SMAD7: variants seen among roughly 807,000 people sequenced by gnomAD.
SMAD7 encodes the protein SMAD family member 7.
Under a neutral mutation model 38.7 loss-of-function variants are expected in SMAD7, and 8 were observed. The observed-to-expected ratio is 0.21, with a 90% CI of 0.12 to 0.37. The LOEUF is 0.37. SMAD7 is among the 10% of genes least tolerant of loss of function. The probability of loss-of-function intolerance (pLI) is 1.00; values close to 1 mark genes in which losing one functional copy is unlikely to be tolerated. For synonymous variants in SMAD7, 327 were observed against 265.1 expected (o/e 1.23, Z -2.27); for missense variants, 477 against 577.9 (o/e 0.83, Z 1.79).
At chr18:48,938,122 G>A (rs1020003885) in intron 3 of SMAD7, among the ~76,000 whole-genome samples, 4 of 152,230 alleles carry the variant, frequency 2.6e-5, no homozygotes, top group African/African-American at 9.6e-5. Flanking sequence ...TTGAGCCCAA[G>A]TCAACTGTGG....
intron 2 of SMAD7, among the ~76,000 whole-genome samples, chr18:48,947,399 G>A (rs745519735): frequency 5.9e-5 from 9 of 152,204 alleles, no homozygotes; most frequent in East Asian, 3.8e-4. Flanking sequence ...CGCAGGAGGC[G>A]GAAGGACTTG....
intron 2 of SMAD7, 84 bp downstream of exon 2, chr18:48,948,300 T>A (rs560859371): frequency 1.1e-6 from 1 of 902,778 alleles, no homozygotes; most frequent in Non-Finnish European, 1.7e-6. Flanking sequence ...TCCCCAAGCC[T>A]TTGCCTACAC....
intron 3 of SMAD7, among the ~76,000 whole-genome samples, chr18:48,923,739 C>A (rs943152995): frequency 6.6e-6 from 1 of 152,122 alleles, no homozygotes; most frequent in African/African-American, 2.4e-5. Context: ...CCGGTCACCA[C>A]CCCCCATGTA....
intron 3 of SMAD7, among the ~76,000 whole-genome samples, chr18:48,924,502 G>T (rs1020545014): frequency 2.6e-5 from 4 of 152,162 alleles, no homozygotes; most frequent in African/African-American, 9.7e-5. Context: ...GTGTCAGGTG[G>T]GTTTCTGTTT....
At chr18:48,948,281 C>T (rs564707755) in intron 2 of SMAD7, 103 bp downstream of exon 2, 1 of 711,344 alleles carries the variant, frequency 1.4e-6, no homozygotes, top group Admixed American at 3.1e-5. Context: ...CAACGTGAAG[C>T]CCAGCACCTC....
chr18:48,943,548 C>T (rs1414501779), intron 2 of SMAD7, among the ~76,000 whole-genome samples: 1 of 152,232 alleles, frequency 6.6e-6, no homozygotes, highest in East Asian at 1.9e-4. Context: ...ACCCTGTAAG[C>T]TTGTCATGCA....
At chr18:48,937,861 C>T (rs959902735) in intron 3 of SMAD7, among the ~76,000 whole-genome samples, 1 of 152,244 alleles carries the variant, frequency 6.6e-6, no homozygotes, top group Non-Finnish European at 1.5e-5. Flanking sequence ...GAAAGGCCCA[C>T]ATGCCTGTGA....
Position 48,921,350 on chromosome 18 carries a change from GCT to G in SMAD7, c.*20_*21del. Reference sequence around the variant, plus strand: ...TTGAAGTGTGGCCTGCTCAGCTCACGCTCTGTCCCCTCCGCACGCGGCTACCG... The same window carrying G: ...TTGAAGTGTGGCCTGCTCAGCTCACGCTGTCCCCTCCGCACGCGGCTACCG... On this transcript the variant is annotated 3_prime_UTR_variant, in exon 4 of 4. Transcript: ENST00000262158. The surrounding 1 kb of genome is among the most constrained non-coding windows in gnomAD (Gnocchi z 6.4). The G allele has an allele frequency of 1.3e-6, 2 of 1,596,550 alleles. No individual in the cohort carries two copies. The highest frequency in any genetic ancestry group is 1.7e-6 in the Non-Finnish European group (2 of 1,167,568).
rs1266983684 is a variant in SMAD7, at chr18:48,949,979, G to C, written c.446C>G (p.Pro149Arg). ...GAGGGGGAGCGAGTAGGACGAGGGC[G>C]GCTGCGCAGGCTGCGCGCCGGCGGG... is the stretch of plus-strand genomic sequence containing the variant. Reference protein sequence around the residue: ...GAPAGAQPAQPPSSYSLPLLL... With the variant: ...GAPAGAQPAQRPSSYSLPLLL... Residue 149 changes from proline to arginine, a missense_variant, in exon 1 of 4, where the codon CCG becomes CGG. Pro to Arg is a moderately radical substitution (Grantham distance 103). Transcript: ENST00000262158. 1 of 1,592,016 alleles carries C rather than the reference G, an allele frequency of 6.3e-7. No homozygotes were observed. The highest frequency in any genetic ancestry group is 1.7e-5 in the Admixed American group (1 of 57,758).
Position 48,920,197 on chromosome 18 carries a change from A to G in SMAD7, c.*1175T>C, listed in dbSNP as rs1297383856. ...AAAGCACTACAATGCTAAATTTCCA[A>G]TGAGAATGCTTCTCTTGTTCATTTA... On this transcript the variant is annotated 3_prime_UTR_variant, in exon 4 of 4. Transcript: ENST00000262158. The G allele has an allele frequency of 2.0e-5, 3 of 152,664 alleles. No homozygotes were observed. Among genetic ancestry groups the G allele is most frequent in the East Asian group, 3.9e-4 (2 of 5,178 alleles). The allele number at this position is 152,664 out of a possible 1,614,324, so 9.5% of individuals were successfully genotyped here.
At chr18:48,938,609 C>T (rs911379354) in intron 3 of SMAD7, among the ~76,000 whole-genome samples, 2 of 152,194 alleles carry the variant, frequency 1.3e-5, no homozygotes, top group African/African-American at 4.8e-5. Flanking sequence ...GAGTCTGCAG[C>T]TGAATAACCT....
chr18:48,945,629 C>T (rs752576140), intron 2 of SMAD7, among the ~76,000 whole-genome samples: 1 of 152,158 alleles, frequency 6.6e-6, no homozygotes. Context: ...AGAGGGACCT[C>T]GGTTAAGAGA....
Position 48,921,124 on chromosome 18 carries a change from T to C in SMAD7, c.*248A>G. 2.0e-6 allele frequency: 1 copy of C among 504,372 alleles called. No homozygotes were observed. The highest frequency in any genetic ancestry group is 3.4e-5 in the East Asian group (1 of 29,232). 31.2% of individuals were successfully genotyped at this position (504,372 alleles called of 1,614,324 possible). A position where few individuals can be genotyped will look rare whatever the true frequency, so the allele number is the denominator to read the frequency against. On this transcript the variant is annotated 3_prime_UTR_variant, in exon 4 of 4. Transcript: ENST00000262158. The surrounding 1 kb of genome is among the most constrained non-coding windows in gnomAD (Gnocchi z 6.4). ...TCTGCTTCCCCTCTTCCTATCAGGG[T>C]GTCCTGCCGATCATACCTGCCCCTT...
rs975493512 is a variant in SMAD7, at chr18:48,950,214, C to G, written c.211G>C (p.Gly71Arg). The G allele has an allele frequency of 6.7e-7, 1 of 1,502,102 alleles. No homozygotes were observed. Among genetic ancestry groups the G allele is most frequent in the Admixed American group, 2.2e-5 (1 of 46,440 alleles). 93.0% of individuals were successfully genotyped at this position (1,502,102 alleles called of 1,614,324 possible). Residue 71 changes from glycine (G) to arginine (R), a missense_variant, in exon 1 of 4, where the codon GGT (glycine) becomes CGT (arginine). Gly to Arg is a moderately radical substitution (Grantham distance 125). This residue lies in a region of SMAD7 where 376 missense variants were observed against 379.4 expected (regional missense o/e 0.99). Transcript: ENST00000262158. ...GCTGGCGGGTGGGGATGGTGGTGACCTTTGGCACCTCGCACCGCCTTGCCC... is the reference window on the plus strand; with the variant it reads ...GCTGGCGGGTGGGGATGGTGGTGACGTTTGGCACCTCGCACCGCCTTGCCC... The part of the protein sequence containing the change: ...CLGKAVRGAK[G>R]HHHPHPPAAG...
intron 2 of SMAD7, 26 bp from the exon 3 acceptor site, chr18:48,942,581 A>G: frequency 6.2e-7 from 1 of 1,613,702 alleles, no homozygotes; most frequent in Non-Finnish European, 8.5e-7. Flanking sequence ...GGGGAGAGAA[A>G]GAAATAAATA....
At chr18:48,923,414 T>TGG (rs1034840337) in intron 3 of SMAD7, among the ~76,000 whole-genome samples, 5 of 152,198 alleles carry the variant, frequency 3.3e-5, no homozygotes, top group Non-Finnish European at 1.5e-5. Context: ...GGACACTAAC[T>TGG]GGCTCCAACT....
chr18:48,927,333 C>T (rs1194408229), intron 3 of SMAD7, among the ~76,000 whole-genome samples: 9 of 151,092 alleles, frequency 6.0e-5, no homozygotes, highest in African/African-American at 2.2e-4. Context: ...TCATGCTTTG[C>T]AGCATCTCCA....
intron 3 of SMAD7, among the ~76,000 whole-genome samples, chr18:48,923,163 G>A (rs941595323): frequency 6.6e-6 from 1 of 152,212 alleles, no homozygotes; most frequent in Non-Finnish European, 1.5e-5. Context: ...AAGCAGAGGG[G>A]AAGGGCCCCA....
In SMAD7 at chr18:48,949,978, C is replaced by CGGCTGCGCA; in HGVS notation, c.438_446dup (p.Ala147_Pro149dup). ...GGAGGGGGAGCGAGTAGGACGAGGG[C>CGGCTGCGCA]GGCTGCGCAGGCTGCGCGCCGGCGG... On this transcript the variant is annotated inframe_insertion, in exon 1 of 4. Transcript: ENST00000262158. The CGGCTGCGCA allele has an allele frequency of 2.5e-6, 4 of 1,597,218 alleles. No individual in the cohort carries two copies. The highest frequency in any genetic ancestry group is 3.4e-6 in the Non-Finnish European group (4 of 1,172,698).
Sources: allele counts gnomAD v4.1 joint callset (sites outside exome capture counted in the v4.1 genomes callset), GRCh38; gene constraint gnomAD v4.1.1; regional missense constraint gnomAD v4.1.1; non-coding constraint Gnocchi (gnomAD v3.1); transcripts MANE v1.5; gene names NCBI Gene and HGNC (gene_info 2026-07-23, HGNC 2026-07-21).